Variants in NRG1 observed in about 807,000 individuals in gnomAD.
NRG1 encodes pro-neuregulin-1, membrane-bound isoform.
A neutral mutation model predicts 63.8 loss-of-function variants in NRG1; 18 were observed. The observed-to-expected ratio is 0.28, with a 90% CI of 0.19 to 0.42. The LOEUF is 0.42. NRG1 is among the 10% of genes least tolerant of loss of function. The pLI is 1.00. For missense variants in NRG1, 762 were observed against 814.7 expected, an observed-to-expected ratio of 0.94 and a Z score of 0.79; for synonymous variants, 302 against 301.3, an observed-to-expected ratio of 1.00 and a Z score of -0.02.
intron 1 of NRG1, among the ~76,000 whole-genome samples, chr8:31,725,452 A>G (rs564011322): frequency 3.1e-5 from 2 of 64,270 alleles, no homozygotes; most frequent in Non-Finnish European, 3.3e-5. Context: ...ATAGAACTGA[A>G]TTGATACAGA....
At chr8:31,972,398 T>TTA (rs1807442336) in intron 1 of NRG1, among the ~76,000 whole-genome samples, 1 of 152,174 alleles carries the variant, frequency 6.6e-6, no homozygotes, top group South Asian at 2.1e-4. Flanking sequence ...TCTCCATATG[T>TTA]CGACAGGAAT....
At position 32,748,358 on chromosome 8, in the gene NRG1, C is replaced by CAGAGAGAGAGAGAG. The variant is rs34657847; in HGVS notation, c.691+5651_691+5664dup. On this transcript the variant is annotated intron_variant, in intron 7 of 11. Transcript: ENST00000356819. ...GCGCGCGCACACACACACACACACACAGAGAGAGAGAGAGAGAGAGAGAGA... is the reference window on the plus strand; with the variant it reads ...GCGCGCGCACACACACACACACACACAGAGAGAGAGAGAGAGAGAGAGAGAGAGAGAGAGAGAGA... Among the ~76,000 whole-genome samples, 134 of 121,994 alleles carry CAGAGAGAGAGAGAG rather than the reference C, an allele frequency of 1.1e-3. 1 individual carries two copies. The highest frequency in any genetic ancestry group is 2.6e-3 in the African/African-American group (89 of 33,718). 80.0% of individuals were successfully genotyped at this position (121,994 alleles called of 152,430 possible).
chr8:32,316,828 A>AAATAG (rs1857456583), intron 1 of NRG1, among the ~76,000 whole-genome samples: 1 of 140,666 alleles, frequency 7.1e-6, no homozygotes, highest in East Asian at 2.2e-4. Context: ...AAATAAAATA[A>AAATAG]AACACATTAG....
intron 1 of NRG1, among the ~76,000 whole-genome samples, chr8:32,414,997 G>A (rs192949485): frequency 9.5e-4 from 144 of 152,100 alleles, no homozygotes; most frequent in African/African-American, 3.4e-3. Context: ...AAACTTTGTG[G>A]GTTTTATTTC....
rs143010949 is a variant in NRG1 at position 32,257,935 on chromosome 8, G to T, written c.38-337893G>T. 8.9e-3 allele frequency among the ~76,000 whole-genome samples: 1,361 copies of T among 152,314 alleles called. 18 individuals are homozygous for T. Among genetic ancestry groups the T allele is most frequent in the African/African-American group, 0.031 (1,297 of 41,574 alleles). On this transcript the variant is annotated intron_variant, in intron 1 of 10. Transcript: ENST00000519301. ...TTAACATATAAAACCATGACCATGT[G>T]TTAAGTATAACCATATTTTGTGCAG...
In NRG1 at chr8:31,807,952, T is replaced by C. The variant is rs1272801581; in HGVS notation, c.37+168521T>C. Among the ~76,000 whole-genome samples the C allele has an allele frequency of 5.8e-3, 488 of 84,256 alleles. 1 individual carries two copies. The highest frequency in any genetic ancestry group is 0.021 in the Middle Eastern group (3 of 144). 55.3% of individuals were successfully genotyped at this position (84,256 alleles called of 152,430 possible). A position where few individuals can be genotyped will look rare whatever the true frequency, so the allele number is the denominator to read the frequency against. On this transcript the variant is annotated intron_variant, in intron 1 of 10. Coordinates refer to the NRG1 transcript ENST00000519301. ...TTTAAGGCTCAAGAGTATTCGCGTG[T>C]GTGTGTGTGTGTGTGTGTGTGTGTA...
chr8:32,579,281 G>C (rs146873732), intron 1 of NRG1, among the ~76,000 whole-genome samples: 1 of 146,350 alleles, frequency 6.8e-6, no homozygotes, highest in Admixed American at 7.1e-5. Context: ...AATTAGGTCG[G>C]TAACTCTCTG....
intron 1 of NRG1, among the ~76,000 whole-genome samples, chr8:31,764,455 C>T (rs2131536324): frequency 6.6e-6 from 1 of 152,194 alleles, no homozygotes; most frequent in East Asian, 1.9e-4. Flanking sequence ...TATGTGATTT[C>T]AAGATTGTTA....
chr8:31,646,512 T>A (rs886955811), intron 1 of NRG1, among the ~76,000 whole-genome samples: 3 of 152,222 alleles, frequency 2.0e-5, no homozygotes, highest in Non-Finnish European at 4.4e-5. Context: ...GGAAAATGCA[T>A]ACCAGTAATA....
intron 1 of NRG1, among the ~76,000 whole-genome samples, chr8:32,202,593 C>T (rs1843605166): frequency 1.3e-5 from 2 of 152,060 alleles, no homozygotes; most frequent in South Asian, 4.1e-4. Flanking sequence ...TGAGGTCATA[C>T]AGACCTGAAG....
intron 1 of NRG1, among the ~76,000 whole-genome samples, chr8:32,115,669 T>G (rs1178036515): frequency 6.6e-6 from 1 of 152,178 alleles, no homozygotes; most frequent in African/African-American, 2.4e-5. Flanking sequence ...GGGTACTTTA[T>G]GTTGTCCGGG....
At chr8:31,807,381 A>G (rs1822394401) in intron 1 of NRG1, among the ~76,000 whole-genome samples, 1 of 152,154 alleles carries the variant, frequency 6.6e-6, no homozygotes, top group African/African-American at 2.4e-5. Flanking sequence ...ACCTCTCACT[A>G]TATGACAAGT....
chr8:32,628,823 A>C (rs1347056399), intron 5 of NRG1, among the ~76,000 whole-genome samples: 1 of 148,484 alleles, frequency 6.7e-6, no homozygotes, highest in African/African-American at 2.5e-5. Context: ...ACCTCTGCCT[A>C]CCCGGTTCAA....
intron 1 of NRG1, among the ~76,000 whole-genome samples, chr8:31,818,341 C>T (rs928300445): frequency 5.9e-5 from 9 of 152,090 alleles, no homozygotes; most frequent in Non-Finnish European, 1.0e-4. Flanking sequence ...ATAGGTTTTA[C>T]GGTCTTGTGT....
chr8:31,797,271 G>T (rs772745550), intron 1 of NRG1, among the ~76,000 whole-genome samples: 1 of 152,160 alleles, frequency 6.6e-6, no homozygotes, highest in Non-Finnish European at 1.5e-5. Flanking sequence ...CTTTCCTAGA[G>T]ATACTTACTC....
At chr8:32,418,832 G>T (rs1180183033) in intron 1 of NRG1, among the ~76,000 whole-genome samples, 1 of 152,162 alleles carries the variant, frequency 6.6e-6, no homozygotes, top group African/African-American at 2.4e-5. Flanking sequence ...GCAGATATTT[G>T]AAATAAGATG....
intron 1 of NRG1, among the ~76,000 whole-genome samples, chr8:31,800,837 C>CTTTTTTTTTTTTTTTTT (rs5890598): frequency 2.9e-5 from 3 of 105,048 alleles, no homozygotes; most frequent in African/African-American, 1.1e-4. Flanking sequence ...AGTCTCCTTT[C>CTTTTTTTTTTTTTTTTT]TTTTTTTTTT....
chr8:32,525,991 T>G (rs980603506), intron 1 of NRG1, among the ~76,000 whole-genome samples: 4 of 152,192 alleles, frequency 2.6e-5, no homozygotes, highest in African/African-American at 9.6e-5. Flanking sequence ...TTACCCTCAT[T>G]TTAGTGGCAT....
chr8:31,945,975 A>G (rs1469728872), intron 1 of NRG1, among the ~76,000 whole-genome samples: 1 of 152,206 alleles, frequency 6.6e-6, no homozygotes. Flanking sequence ...GACCTTCTGC[A>G]GACATCTGTG....
Sources: allele counts gnomAD v4.1 joint callset (sites outside exome capture counted in the v4.1 genomes callset), GRCh38; gene constraint gnomAD v4.1.1; transcripts MANE v1.5; gene names NCBI Gene and HGNC (gene_info 2026-07-23, HGNC 2026-07-21).